Variants in SHQ1 observed in about 807,000 individuals in gnomAD.
The protein encoded by SHQ1 is SHQ1, H/ACA ribonucleoprotein assembly factor, also known as protein SHQ1 homolog.
Under a neutral mutation model 53.8 loss-of-function variants are expected in SHQ1, and 49 were observed. That is an observed-to-expected ratio of 0.91 (90% confidence interval 0.72 to 1.16). The LOEUF is 1.16. SHQ1 is among the 50% of genes most tolerant of loss of function. The pLI is 0.00. For synonymous variants in SHQ1, 243 were observed against 251.0 expected (o/e 0.97, Z 0.30); for missense variants, 738 against 683.1 (o/e 1.08, Z -0.90).
At chr3:72,835,454 T>C (rs1323965580) in intron 4 of SHQ1, among the ~76,000 whole-genome samples, 1 of 152,178 alleles carries the variant, frequency 6.6e-6, no homozygotes, top group East Asian at 1.9e-4. Flanking sequence ...CACTTGCTAA[T>C]AGCAATTTTA....
At chr3:72,785,026 T>C (rs1489527514) in intron 10 of SHQ1, among the ~76,000 whole-genome samples, 4 of 152,234 alleles carry the variant, frequency 2.6e-5, no homozygotes, top group Non-Finnish European at 2.9e-5. Flanking sequence ...TTACCCTTGC[T>C]GAGCCAATCA....
chr3:72,826,347 G>C (rs937852636), intron 5 of SHQ1, among the ~76,000 whole-genome samples: 1 of 152,182 alleles, frequency 6.6e-6, no homozygotes, highest in Non-Finnish European at 1.5e-5. Flanking sequence ...TTGAATTGAA[G>C]TTCTACTATA....
chr3:72,773,380 T>G, intron 10 of SHQ1: 5 of 481,212 alleles, frequency 1.0e-5, no homozygotes, highest in East Asian at 5.1e-5. Context: ...ACACAGTACA[T>G]CCCTCAGCCT....
chr3:72,820,278 C>CTAA (rs1707438191), intron 6 of SHQ1, among the ~76,000 whole-genome samples: 2 of 152,190 alleles, frequency 1.3e-5, no homozygotes, highest in Non-Finnish European at 2.9e-5. Flanking sequence ...TTTTCAATAA[C>CTAA]TGTGCACAGA....
intron 9 of SHQ1, among the ~76,000 whole-genome samples, chr3:72,811,437 C>G (rs1489365610): frequency 1.3e-5 from 2 of 152,018 alleles, no homozygotes; most frequent in Non-Finnish European, 2.9e-5. Context: ...AGATGGAAGG[C>G]AAGAAGAAAT....
intron 1 of SHQ1, among the ~76,000 whole-genome samples, chr3:72,847,937 C>T (rs1036250814): frequency 1.3e-5 from 2 of 152,136 alleles, no homozygotes; most frequent in African/African-American, 2.4e-5. Flanking sequence ...GGGAAAGTGA[C>T]ACGGTCCAAA....
rs74401920 is a variant in SHQ1 at position 72,817,215 on chromosome 3, C to T, written c.882+15G>A. On this transcript the variant is annotated intron_variant, in intron 7 of 10. Transcript: ENST00000325599. ...ACAGTCATCTATGGCAACATGCACA[C>T]ATACATGCACTTACATTCTTCTCTC... 6,093 of 1,607,562 alleles carry T rather than the reference C, an allele frequency of 3.8e-3. 213 individuals are homozygous for T. In the African/African-American group the frequency reaches 0.073, roughly 19 times the overall value.
At chr3:72,797,458 A>G (rs1456817009) in intron 9 of SHQ1, among the ~76,000 whole-genome samples, 1 of 152,174 alleles carries the variant, frequency 6.6e-6, no homozygotes, top group Admixed American at 6.5e-5. Context: ...CACAAGAAAC[A>G]TTATTTGTTT....
chr3:72,731,218 C>T, the SHQ1 span, among the ~76,000 whole-genome samples: 2 of 139,410 alleles, frequency 1.4e-5, no homozygotes, highest in African/African-American at 2.6e-5. Context: ...TCACAAACCC[C>T]TTCTCTTAAA....
intron 1 of SHQ1, among the ~76,000 whole-genome samples, chr3:72,847,751 T>C (rs958079233): frequency 1.4e-4 from 21 of 151,752 alleles, no homozygotes; most frequent in African/African-American, 4.4e-4. Context: ...AGACAAGAGA[T>C]AGATCAACAG....
intron 10 of SHQ1, among the ~76,000 whole-genome samples, chr3:72,779,670 A>G (rs9857064): frequency 0.055 from 8,387 of 152,252 alleles, 689 homozygotes; most frequent in African/African-American, 0.18. Flanking sequence ...ACTCAAGTCT[A>G]AAGCAGTCAC....
intron 10 of SHQ1, among the ~76,000 whole-genome samples, chr3:72,780,267 T>C (rs1327343587): frequency 2.0e-5 from 3 of 152,172 alleles, no homozygotes; most frequent in Non-Finnish European, 4.4e-5. Flanking sequence ...GTATGATTAA[T>C]CCAGTATTTA....
chr3:72,751,506 G>GTATA (rs1312437115), intron 10 of SHQ1, among the ~76,000 whole-genome samples: 4 of 117,446 alleles, frequency 3.4e-5, no homozygotes, highest in African/African-American at 1.3e-4. Context: ...GTGTGTGTGT[G>GTATA]TGTATATATA....
intron 4 of SHQ1, among the ~76,000 whole-genome samples, chr3:72,834,281 C>T (rs1026295646): frequency 6.6e-6 from 1 of 152,350 alleles, no homozygotes; most frequent in East Asian, 1.9e-4. Context: ...GTAATCCCAG[C>T]ACTTCGGGAG....
intron 10 of SHQ1, among the ~76,000 whole-genome samples, chr3:72,775,285 AAAC>A (rs1369776879): frequency 2.0e-5 from 3 of 151,996 alleles, no homozygotes; most frequent in East Asian, 1.9e-4. Context: ...GAGCAAATAA[AAAC>A]AACTCTATGC....
intron 10 of SHQ1, among the ~76,000 whole-genome samples, chr3:72,775,693 C>T (rs1232174673): frequency 6.6e-6 from 1 of 152,052 alleles, no homozygotes; most frequent in East Asian, 1.9e-4. Flanking sequence ...TTAAATAATA[C>T]ATCATAATCA....
chr3:72,784,617 C>T (rs961635524), intron 10 of SHQ1, among the ~76,000 whole-genome samples: 7 of 152,188 alleles, frequency 4.6e-5, no homozygotes, highest in Non-Finnish European at 1.0e-4. Context: ...GATTTTAATC[C>T]AAGGTTTAAC....
At chr3:72,751,500 G>A (rs1481305216) in intron 10 of SHQ1, among the ~76,000 whole-genome samples, 18,642 of 115,782 alleles carry the variant, frequency 0.16, 2,010 homozygotes, top group African/African-American at 0.2. Context: ...GTGTGTGTGT[G>A]TGTGTGTGTA....
the SHQ1 span, among the ~76,000 whole-genome samples, chr3:72,729,033 C>T: frequency 6.6e-6 from 1 of 152,352 alleles, no homozygotes; most frequent in African/African-American, 2.4e-5. Context: ...TGTTCTTCCC[C>T]TCCCTCCACT....
Sources: gnomAD v4.1 joint callset for allele counts (sites outside exome capture counted in the v4.1 genomes callset) on GRCh38, gnomAD v4.1.1 for gene constraint, MANE v1.5 for transcripts, NCBI Gene and HGNC (gene_info 2026-07-23, HGNC 2026-07-21) for gene names.